ATP9B: variants seen among roughly 807,000 people sequenced by gnomAD.
ATP9B encodes probable phospholipid-transporting ATPase IIB.
Under a neutral mutation model 146.1 loss-of-function variants are expected in ATP9B, and 110 were observed. The observed-to-expected ratio is 0.75, with a 90% CI of 0.65 to 0.88. The LOEUF is 0.88. Among genes scored for constraint, ATP9B ranks in the 40% least tolerant of loss-of-function variants. The pLI is 0.00. For synonymous variants in ATP9B, 604 were observed against 569.7 expected (o/e 1.06, Z -0.86); for missense variants, 1,499 against 1,496.4 (o/e 1.00, Z -0.03).
chr18:79,233,507 G>T (rs1004116651), intron 11 of ATP9B, among the ~76,000 whole-genome samples: 1 of 152,162 alleles, frequency 6.6e-6, no homozygotes, highest in Non-Finnish European at 1.5e-5. Context: ...AGAGAATCTT[G>T]AAAAGAGCCA....
chr18:79,188,556 C>T (rs2095330776), intron 8 of ATP9B, among the ~76,000 whole-genome samples: 1 of 152,204 alleles, frequency 6.6e-6, no homozygotes, highest in African/African-American at 2.4e-5. Flanking sequence ...ATGGAAAAAG[C>T]ATTCTATCAA....
At chr18:79,200,908 C>T (rs2095480494) in intron 9 of ATP9B, among the ~76,000 whole-genome samples, 1 of 152,200 alleles carries the variant, frequency 6.6e-6, no homozygotes, top group African/African-American at 2.4e-5. Context: ...CTGGTGCTGG[C>T]TGTTGCCCTG....
chr18:79,217,720 G>A (rs2095641112), intron 11 of ATP9B, among the ~76,000 whole-genome samples: 1 of 152,166 alleles, frequency 6.6e-6, no homozygotes, highest in Non-Finnish European at 1.5e-5. Flanking sequence ...ACGGAAAGGT[G>A]GAAATTATTG....
chr18:79,367,339 C>T (rs2097038940), intron 26 of ATP9B, among the ~76,000 whole-genome samples: 1 of 137,792 alleles, frequency 7.3e-6, no homozygotes, highest in Admixed American at 7.0e-5. Flanking sequence ...AAAGTGCCTC[C>T]TCAACCAGAG....
intron 15 of ATP9B, among the ~76,000 whole-genome samples, chr18:79,307,797 CATT>C (rs2096627584): frequency 6.6e-6 from 1 of 152,090 alleles, no homozygotes; most frequent in South Asian, 2.1e-4. Context: ...CGGGAAAATT[CATT>C]ATTAAATTTG....
In ATP9B at chr18:79,360,051, A is replaced by G. The variant is rs187763767; in HGVS notation, c.3012+589A>G. On this transcript the variant is annotated intron_variant, in intron 26 of 29. Transcript: ENST00000426216. ...AACTTCAGTCACCTGAAACTCTGAGAAAGATGGATTTATTTGGCTTAAAAC... is the reference window on the plus strand; with the variant it reads ...AACTTCAGTCACCTGAAACTCTGAGGAAGATGGATTTATTTGGCTTAAAAC... 2.4e-3 allele frequency: 385 copies of G among 157,192 alleles called. 1 individual carries two copies. Among genetic ancestry groups the G allele is most frequent in the South Asian group, 6.9e-3 (36 of 5,218 alleles). The allele number at this position is 157,192 out of a possible 1,614,324, so 9.7% of individuals were successfully genotyped here.
At chr18:79,143,916 C>T in intron 6 of ATP9B, 56 bp downstream of exon 6, 2 of 1,089,860 alleles carry the variant, frequency 1.8e-6, no homozygotes, top group Non-Finnish European at 2.6e-6. Context: ...TAATGTTTAG[C>T]CTGATTATAA....
intron 5 of ATP9B, among the ~76,000 whole-genome samples, chr18:79,130,043 A>T (rs975366189): frequency 6.6e-6 from 1 of 152,182 alleles, no homozygotes; most frequent in Non-Finnish European, 1.5e-5. Flanking sequence ...CACCCGGCGT[A>T]TGTCCAGTTT....
intron 14 of ATP9B, among the ~76,000 whole-genome samples, chr18:79,304,370 A>G (rs1052484801): frequency 6.6e-6 from 1 of 152,188 alleles, no homozygotes; most frequent in Non-Finnish European, 1.5e-5. Context: ...CCCTTATTCA[A>G]AATGCTTAGG....
At chr18:79,110,310 A>G (rs2075920522) in intron 2 of ATP9B, 45 bp from the exon 3 acceptor site, 1 of 1,495,792 alleles carries the variant, frequency 6.7e-7, no homozygotes, top group African/African-American at 1.4e-5. Context: ...AACTTTTTTA[A>G]AAAGCAAAAA....
At chr18:79,318,684 C>T (rs1599923731) in intron 15 of ATP9B, among the ~76,000 whole-genome samples, 1 of 152,236 alleles carries the variant, frequency 6.6e-6, no homozygotes, top group South Asian at 2.1e-4. Context: ...TGAAGAAACA[C>T]TGTGTATATG....
chr18:79,334,210 TAGAC>T lies in ATP9B; in HGVS notation c.2029-2415_2029-2412del, dbSNP rs911113853. On this transcript the variant is annotated intron_variant, in intron 17 of 29. Coordinates refer to ENST00000426216, the MANE Select transcript of ATP9B (RefSeq NM_198531.5). ...GTCTCTACTAAAAATACAAAAAAAA[TAGAC>T]AGGGTGGTGGCAGGCGCCTGTAGTC... Among the ~76,000 whole-genome samples, 66 of 151,588 alleles carry T rather than the reference TAGAC, an allele frequency of 4.4e-4. No homozygotes were observed. The East Asian group carries it at 9.8e-3, about 23-fold the overall frequency.
intron 8 of ATP9B, among the ~76,000 whole-genome samples, chr18:79,189,920 A>T (rs958481992): frequency 6.6e-6 from 1 of 152,368 alleles, no homozygotes. Flanking sequence ...GATGGAAAAC[A>T]TGTGAGCACC....
At chr18:79,261,278 A>T (rs2096138418) in intron 12 of ATP9B, among the ~76,000 whole-genome samples, 1 of 152,198 alleles carries the variant, frequency 6.6e-6, no homozygotes, top group African/African-American at 2.4e-5. Flanking sequence ...ATGTGCCCAT[A>T]TGAAATCTGT....
chr18:79,223,563 T>C (rs1190395210), intron 11 of ATP9B, among the ~76,000 whole-genome samples: 1 of 152,168 alleles, frequency 6.6e-6, no homozygotes, highest in East Asian at 1.9e-4. Context: ...GTTGTTAATA[T>C]TCACAAATCA....
At chr18:79,284,575 A>G (rs1021986649) in intron 13 of ATP9B, among the ~76,000 whole-genome samples, 2 of 152,186 alleles carry the variant, frequency 1.3e-5, no homozygotes, top group African/African-American at 4.8e-5. Context: ...AAAGATTGGC[A>G]AATTAGTCTT....
chr18:79,295,065 CGT>C (rs2096537581), intron 13 of ATP9B, among the ~76,000 whole-genome samples: 1 of 151,628 alleles, frequency 6.6e-6, no homozygotes, highest in Non-Finnish European at 1.5e-5. Flanking sequence ...GCTATAGGTA[CGT>C]GTGCGTGCAT....
intron 8 of ATP9B, among the ~76,000 whole-genome samples, chr18:79,189,393 AC>A (rs988860281): frequency 6.6e-6 from 1 of 151,642 alleles, no homozygotes; most frequent in African/African-American, 2.4e-5. Flanking sequence ...TCCCCCACCC[AC>A]CCTTTGTACT....
chr18:79,178,463 G>A (rs758842700), intron 8 of ATP9B, among the ~76,000 whole-genome samples: 3 of 152,044 alleles, frequency 2.0e-5, no homozygotes, highest in Non-Finnish European at 4.4e-5. Context: ...TGACAGTCTC[G>A]GAGCAAAAGC....
Sources: allele counts gnomAD v4.1 joint callset (sites outside exome capture counted in the v4.1 genomes callset), GRCh38; gene constraint gnomAD v4.1.1; transcripts MANE v1.5; gene names NCBI Gene and HGNC (gene_info 2026-07-23, HGNC 2026-07-21).